CHD7: variants seen among roughly 807,000 people sequenced by gnomAD.
CHD7 encodes the protein chromodomain helicase DNA binding protein 7.
CHD7 carries 24 observed loss-of-function variants against 307.3 expected under a neutral mutation model. The ratio of observed to expected loss-of-function variants is 0.08; its 90% CI spans 0.06 to 0.11. CHD7 has a LOEUF of 0.11. CHD7 is among the 10% of genes least tolerant of loss of function. The probability of loss-of-function intolerance (pLI) is 1.00; values close to 1 mark genes in which losing one functional copy is unlikely to be tolerated. For synonymous variants in CHD7, 1,363 were observed against 1,349.9 expected (o/e 1.01, Z -0.21); for missense variants, 3,106 against 3,727.1 (o/e 0.83, Z 4.34).
At chr8:60,792,462 T>C (rs1429432623) in intron 3 of CHD7, among the ~76,000 whole-genome samples, 2 of 152,198 alleles carry the variant, frequency 1.3e-5, no homozygotes, top group Non-Finnish European at 2.9e-5. Context: ...TGCTTAGCTG[T>C]CCGTTAACAA....
At chr8:60,768,207 G>C (rs560649437) in intron 2 of CHD7, among the ~76,000 whole-genome samples, 1 of 151,610 alleles carries the variant, frequency 6.6e-6, no homozygotes, top group Admixed American at 6.6e-5. Flanking sequence ...TTTCATTTTC[G>C]AAGTGTGGAG....
intron 8 of CHD7, among the ~76,000 whole-genome samples, chr8:60,819,275 T>G (rs1426868586): frequency 2.6e-5 from 4 of 152,198 alleles, no homozygotes; most frequent in Admixed American, 2.6e-4. Context: ...TTGAGTCATA[T>G]TCTAGTGTTT....
chr8:60,691,503 T>C (rs1021815408), intron 1 of CHD7, among the ~76,000 whole-genome samples: 2 of 152,266 alleles, frequency 1.3e-5, no homozygotes, highest in African/African-American at 2.4e-5. Context: ...CCTCCTTTTC[T>C]CACTGTTTTG....
intron 3 of CHD7, 81 bp downstream of exon 3, chr8:60,781,511 A>T: frequency 1.4e-6 from 2 of 1,416,784 alleles, no homozygotes; most frequent in Non-Finnish European, 1.9e-6. Flanking sequence ...CTATGAAATG[A>T]GGGGTGGGAG....
chr8:60,710,122 C>G (rs907194390), intron 1 of CHD7, among the ~76,000 whole-genome samples: 2 of 151,072 alleles, frequency 1.3e-5, no homozygotes, highest in African/African-American at 4.9e-5. Flanking sequence ...CTCTTCTGTT[C>G]ACAACAGTGG....
At chr8:60,856,925 T>C in intron 34 of CHD7, 37 bp downstream of exon 34, 2 of 1,508,618 alleles carry the variant, frequency 1.3e-6, no homozygotes, top group Non-Finnish European at 1.8e-6. Flanking sequence ...CGATTGCACG[T>C]GTTGACAGCT....
chr8:60,787,984 GC>G (rs1197901393), intron 3 of CHD7, among the ~76,000 whole-genome samples: 1 of 151,782 alleles, frequency 6.6e-6, no homozygotes, highest in African/African-American at 2.4e-5. Context: ...ACCACGCCCT[GC>G]TAATTTTTGT....
intron 13 of CHD7, chr8:60,824,721 C>G (rs900632197): frequency 2.0e-5 from 3 of 152,288 alleles, no homozygotes; most frequent in Middle Eastern, 3.4e-3. Flanking sequence ...CAGATTTGAT[C>G]TGGAGTTTTA....
chr8:60,853,065 T>G lies in CHD7; in HGVS notation c.6340T>G (p.Tyr2114Asp), dbSNP rs1232231607. 6.2e-7 allele frequency: 1 copy of G among 1,613,904 alleles called. No homozygotes were observed. The highest frequency in any genetic ancestry group is 1.7e-5 in the Admixed American group (1 of 59,992). ...TAAACACGGGGTCAGTCGGACGGAT[T>G]ATCACATCCTCAATGACCCTGAGTT... ...AAKHGVSRTDYHILNDPELSF... is the reference protein window; with the variant it reads ...AAKHGVSRTDDHILNDPELSF... Residue 2114 changes from tyrosine (Y) to aspartate (D), a missense_variant, in exon 31 of 38, where the codon TAT (tyrosine) becomes GAT (aspartate). Physicochemically the swap from Tyr to Asp is radical, Grantham distance 160. Coordinates refer to ENST00000423902, the MANE Select transcript of CHD7 (RefSeq NM_017780.4).
At chr8:60,748,140 A>ATG (rs1563567301) in intron 2 of CHD7, among the ~76,000 whole-genome samples, 1 of 152,224 alleles carries the variant, frequency 6.6e-6, no homozygotes, top group Non-Finnish European at 1.5e-5. Flanking sequence ...AGAATATGCC[A>ATG]TGAAAAGCAC....
intron 1 of CHD7, among the ~76,000 whole-genome samples, chr8:60,699,330 C>T (rs983617658): frequency 6.6e-6 from 1 of 152,054 alleles, no homozygotes; most frequent in Non-Finnish European, 1.5e-5. Context: ...AAGGGCATAT[C>T]TATTTTGTTC....
chr8:60,801,364 T>C (rs542023561), intron 5 of CHD7, among the ~76,000 whole-genome samples, 164 bp from the exon 6 acceptor site: 1 of 152,354 alleles, frequency 6.6e-6, no homozygotes, highest in East Asian at 1.9e-4. Flanking sequence ...TGCCTTTCAG[T>C]AGAGTGAGAT....
intron 1 of CHD7, among the ~76,000 whole-genome samples, chr8:60,694,746 A>G (rs1490555853): frequency 6.6e-6 from 1 of 152,166 alleles, no homozygotes; most frequent in Non-Finnish European, 1.5e-5. Flanking sequence ...TCAACCTTCA[A>G]TTCAAGGACC....
At chr8:60,747,217 A>G (rs1403679471) in intron 2 of CHD7, among the ~76,000 whole-genome samples, 1 of 150,880 alleles carries the variant, frequency 6.6e-6, no homozygotes, top group African/African-American at 2.4e-5. Flanking sequence ...TTGGGATTAC[A>G]GGCACCCGCC....
chr8:60,794,324 G>C (rs920209023), intron 3 of CHD7, among the ~76,000 whole-genome samples: 1 of 152,006 alleles, frequency 6.6e-6, no homozygotes, highest in African/African-American at 2.4e-5. Context: ...CACTTTATTA[G>C]GGTTGCTTTA....
chr8:60,693,288 G>C (rs1806291961), intron 1 of CHD7, among the ~76,000 whole-genome samples: 1 of 152,210 alleles, frequency 6.6e-6, no homozygotes, highest in Non-Finnish European at 1.5e-5. Flanking sequence ...CCCATGTTAG[G>C]GGGACCCTTT....
In CHD7 at chr8:60,853,197, T is replaced by C. The variant is rs1805545505; in HGVS notation, c.6472T>C (p.Ser2158Pro). Reference protein sequence around the residue: ...VGFVQTPPVISSAHIQDERVL... With the variant: ...VGFVQTPPVIPSAHIQDERVL... ...ATTTGTCCAGACTCCTCCAGTCATC[T>C]CATCTGCTCATATTCAAGATGAGAG... The change falls in exon 31 of 38, where the codon TCA (serine) becomes CCA (proline). Residue 2158 changes from serine to proline, a missense_variant. Coordinates refer to ENST00000423902, the MANE Select transcript of CHD7 (RefSeq NM_017780.4). 2.5e-6 allele frequency: 4 copies of C among 1,613,792 alleles called. No homozygotes were observed. The highest frequency in any genetic ancestry group is 1.1e-5 in the South Asian group (1 of 91,064).
rs1395995139 is a variant in CHD7 at position 60,760,620 on chromosome 8, C to T, written c.1665+17523C>T. On this transcript the variant is annotated intron_variant, in intron 2 of 37. Transcript: ENST00000423902. ...CTGACAAAGGGCTAATATCCAGAAT[C>T]TACAATGAACTCAAACAAATTTACA... Among the ~76,000 whole-genome samples, 251 of 149,818 alleles carry T rather than the reference C, an allele frequency of 1.7e-3. 1 individual carries two copies. Among genetic ancestry groups the T allele is most frequent in the African/African-American group, 5.8e-3 (234 of 40,658 alleles).
chr8:60,816,488 A>G lies in CHD7; in HGVS notation c.2600A>G (p.Lys867Arg), dbSNP rs750135347. The change falls in exon 8 of 38, where the codon AAG becomes AGG. Residue 867 changes from lysine (K) to arginine (R), a missense_variant. Around this residue, in one of 10 missense-constraint regions of CHD7, gnomAD observed 188 missense variants for 261.7 expected, o/e 0.72. Transcript: ENST00000423902. The part of the protein sequence containing the change: ...KRFKAKQGQN[K>R]FLSEIEDELF... ...TTTAAGGCAAAGCAGGGCCAGAACA[A>G]GTTCCTTTCAGAGGTACGACATACC... is the stretch of plus-strand genomic sequence containing the variant. The G allele has an allele frequency of 1.9e-6, 3 of 1,594,746 alleles. No individual in the cohort carries two copies. The highest frequency in any genetic ancestry group is 2.6e-6 in the Non-Finnish European group (3 of 1,165,726).
Sources: gnomAD v4.1 joint callset for allele counts (sites outside exome capture counted in the v4.1 genomes callset) on GRCh38, gnomAD v4.1.1 for gene constraint, gnomAD v4.1.1 regional missense constraint, MANE v1.5 for transcripts, NCBI Gene and HGNC (gene_info 2026-07-23, HGNC 2026-07-21) for gene names.